Variants in THSD7B observed in about 807,000 individuals in gnomAD.
The protein encoded by THSD7B is thrombospondin type 1 domain containing 7B.
In THSD7B, 138 loss-of-function variants were observed where a neutral mutation model predicts 213.6. The ratio of observed to expected loss-of-function variants is 0.65; its 90% CI spans 0.56 to 0.74. THSD7B has a LOEUF of 0.74. Ranked by LOEUF, THSD7B falls within the 30% of genes least tolerant of loss-of-function variation. The pLI, the probability that THSD7B is intolerant of heterozygous loss-of-function variation, is 0.00. For missense variants in THSD7B, 1,931 were observed against 1,991.5 expected, an observed-to-expected ratio of 0.97 and a Z score of 0.58; for synonymous variants, 742 against 687.0, an observed-to-expected ratio of 1.08 and a Z score of -1.25.
intron 2 of THSD7B, among the ~76,000 whole-genome samples, chr2:136,985,311 A>G (rs2435392): frequency 0.99 from 150,116 of 152,284 alleles, 74,031 homozygotes; most frequent in Middle Eastern, 1. Context: ...AGCCCCAGAG[A>G]CCTCGGAGGA....
chr2:137,226,141 G>T (rs1443213384), intron 7 of THSD7B, among the ~76,000 whole-genome samples: 1 of 151,726 alleles, frequency 6.6e-6, no homozygotes, highest in Non-Finnish European at 1.5e-5. Context: ...ATTTAAGTAG[G>T]ACATAAAATT....
In THSD7B at chr2:137,677,570, G is replaced by A. The variant is rs1171100007; in HGVS notation, c.*965G>A. 2 of 152,498 alleles carry A rather than the reference G, an allele frequency of 1.3e-5. No individual in the cohort carries two copies. Among genetic ancestry groups the A allele is most frequent in the Non-Finnish European group, 2.9e-5 (2 of 68,016 alleles). The allele number at this position is 152,498 out of a possible 1,614,324, so 9.4% of individuals were successfully genotyped here. A position where few individuals can be genotyped will look rare whatever the true frequency, so the allele number is the denominator to read the frequency against. On this transcript the variant is annotated 3_prime_UTR_variant, in exon 28 of 28. Transcript: ENST00000409968. ...TTTGTACAAAGTCTTGCTTTTATAA[G>A]GTTTCAATAATATCTAAAACAACAC... is the stretch of plus-strand genomic sequence containing the variant.
chr2:137,629,712 G>T (rs918187363), intron 20 of THSD7B, among the ~76,000 whole-genome samples: 1 of 152,186 alleles, frequency 6.6e-6, no homozygotes, highest in Non-Finnish European at 1.5e-5. Flanking sequence ...AAATGAAGTT[G>T]CATAAAGTAC....
chr2:136,905,531 T>C (rs1015553996), intron 2 of THSD7B, among the ~76,000 whole-genome samples: 3 of 152,218 alleles, frequency 2.0e-5, no homozygotes, highest in African/African-American at 7.2e-5. Context: ...AATTATGCCG[T>C]TAATGTATTA....
chr2:137,568,758 C>T (rs548871073), intron 16 of THSD7B, among the ~76,000 whole-genome samples: 6 of 152,246 alleles, frequency 3.9e-5, no homozygotes, highest in South Asian at 2.1e-4. Flanking sequence ...CCCCATAATC[C>T]GATCACTTCC....
chr2:137,512,083 G>A (rs1232616780), intron 15 of THSD7B: 1 of 152,022 alleles, frequency 6.6e-6, no homozygotes, highest in African/African-American at 2.4e-5. Context: ...TTTGATGTCT[G>A]GAAATAATTA....
At chr2:137,373,332 T>C (rs2104952911) in intron 12 of THSD7B, among the ~76,000 whole-genome samples, 1 of 152,330 alleles carries the variant, frequency 6.6e-6, no homozygotes, top group Non-Finnish European at 1.5e-5. Context: ...CAAGTGTTCC[T>C]ATTTCTCCAC....
intron 9 of THSD7B, among the ~76,000 whole-genome samples, chr2:137,236,275 A>G (rs955513661): frequency 1.3e-5 from 2 of 152,194 alleles, no homozygotes; most frequent in African/African-American, 4.8e-5. Flanking sequence ...AAATAATGTT[A>G]TATCTCTAAA....
At chr2:136,900,654 A>G (rs554922457) in intron 2 of THSD7B, among the ~76,000 whole-genome samples, 6 of 152,308 alleles carry the variant, frequency 3.9e-5, no homozygotes, top group South Asian at 2.1e-4. Flanking sequence ...AGGGAGCACT[A>G]TTTTGCACAA....
chr2:137,013,247 A>G (rs1393943064), intron 2 of THSD7B, among the ~76,000 whole-genome samples: 1 of 152,210 alleles, frequency 6.6e-6, no homozygotes, highest in Non-Finnish European at 1.5e-5. Flanking sequence ...AATATATGAA[A>G]CAATAGGTTT....
chr2:137,056,562 C>T lies in THSD7B; in HGVS notation c.282C>T (p.Phe94=). Residue 94 remains phenylalanine, a synonymous_variant, in exon 3 of 28, where the codon TTC becomes TTT. Transcript: ENST00000409968. ...GGCCTCCAAAGGAAAGAAGTTGTTT[C>T]CGAGTTTGTGACTGGCACAGTGACC... ...SNRPPKERSC[F]RVCDWHSDLF... is the part of the protein sequence containing the mutation. 4 of 1,613,886 alleles carry T rather than the reference C, an allele frequency of 2.5e-6. No homozygotes were observed. The highest frequency in any genetic ancestry group is 2.5e-6 in the Non-Finnish European group (3 of 1,179,870).
intron 1 of THSD7B, among the ~76,000 whole-genome samples, chr2:136,878,998 A>C (rs553611538): frequency 6.6e-6 from 1 of 152,166 alleles, no homozygotes; most frequent in Non-Finnish European, 1.5e-5. Flanking sequence ...GCCCATGCCT[A>C]TGTCCTGAAT....
chr2:137,555,735 A>G (rs1680948023), intron 15 of THSD7B, among the ~76,000 whole-genome samples: 1 of 152,200 alleles, frequency 6.6e-6, no homozygotes, highest in African/African-American at 2.4e-5. Context: ...TCAGATGACT[A>G]AACTTCTCGG....
chr2:137,064,456 T>C (rs1687338703), intron 3 of THSD7B, among the ~76,000 whole-genome samples: 1 of 152,090 alleles, frequency 6.6e-6, no homozygotes, highest in Non-Finnish European at 1.5e-5. Flanking sequence ...ATCCTGTGGA[T>C]TTTCTCATCA....
At chr2:137,342,784 A>G (rs1207009479) in intron 12 of THSD7B, among the ~76,000 whole-genome samples, 1 of 151,570 alleles carries the variant, frequency 6.6e-6, no homozygotes, top group Non-Finnish European at 1.5e-5. Context: ...ACCTAAAGAG[A>G]TGATCATATG....
intron 14 of THSD7B, among the ~76,000 whole-genome samples, chr2:137,438,884 A>G (rs1277044406): frequency 1.3e-5 from 2 of 152,114 alleles, no homozygotes; most frequent in Non-Finnish European, 2.9e-5. Context: ...TTGAGATGAG[A>G]TCATCCTCGG....
chr2:137,232,936 G>C lies in THSD7B; in HGVS notation c.1953G>C (p.Glu651Asp). The C allele has an allele frequency of 6.2e-7, 1 of 1,613,948 alleles. No individual in the cohort carries two copies. Among genetic ancestry groups the C allele is most frequent in the Non-Finnish European group, 8.5e-7 (1 of 1,179,826 alleles). ...KPCPPSQALQ[E>D]HRLCNDHSCM... ...GTCCCCCTAGTCAGGCTCTCCAAGA[G>C]CATCGTTTGTGTAATGACCATTCCT... Residue 651 changes from glutamate to aspartate, a missense_variant, in exon 9 of 28, where the codon GAG becomes GAC. Physicochemically the swap from Glu to Asp is conservative, Grantham distance 45. Transcript: ENST00000409968.
chr2:136,782,210 G>A (rs1681755016), intron 1 of THSD7B, among the ~76,000 whole-genome samples: 1 of 152,162 alleles, frequency 6.6e-6, no homozygotes, highest in African/African-American at 2.4e-5. Context: ...GGGTTTACCT[G>A]CGATGTGTGC....
At position 137,637,595 on chromosome 2, in the gene THSD7B, G is replaced by T. The variant is rs191871382; in HGVS notation, c.3800-4893G>T. On this transcript the variant is annotated intron_variant, in intron 20 of 27. Transcript: ENST00000409968. ...TTGTGTTTGGATACCAAAAGCAAGA[G>T]AAACCATATGGCTGTGCTTCCAATG... Among the ~76,000 whole-genome samples the T allele has an allele frequency of 1.5e-3, 223 of 152,332 alleles. 1 individual carries two copies. The highest frequency in any genetic ancestry group is 3.7e-3 in the Admixed American group (56 of 15,302).
Sources: gnomAD v4.1 joint callset for allele counts (sites outside exome capture counted in the v4.1 genomes callset) on GRCh38, gnomAD v4.1.1 for gene constraint, MANE v1.5 for transcripts, NCBI Gene and HGNC (gene_info 2026-07-23, HGNC 2026-07-21) for gene names.